Variants in SLC35A1 observed in about 807,000 individuals in gnomAD.
SLC35A1 encodes solute carrier family 35 member A1.
SLC35A1 carries 21 observed loss-of-function variants against 40.3 expected under a neutral mutation model. That is an observed-to-expected ratio of 0.52 (90% CI 0.37 to 0.75). SLC35A1 has a LOEUF of 0.75. SLC35A1 is among the 30% of genes least tolerant of loss of function. The probability of loss-of-function intolerance (pLI) is 0.00; values close to 1 mark genes in which losing one functional copy is unlikely to be tolerated. For missense variants in SLC35A1, 297 were observed against 382.1 expected (o/e 0.78, Z 1.86); for synonymous variants, 146 against 147.3 (o/e 0.99, Z 0.06).
chr6:87,506,486 T>G (rs1424367846), intron 5 of SLC35A1, 38 bp downstream of exon 5: 1 of 1,581,196 alleles, frequency 6.3e-7, no homozygotes, highest in East Asian at 2.2e-5. Flanking sequence ...TTTTGTCATA[T>G]TTTTCGAAAA....
chr6:87,484,274 C>T (rs533537411), intron 2 of SLC35A1, among the ~76,000 whole-genome samples: 23 of 152,232 alleles, frequency 1.5e-4, no homozygotes, highest in African/African-American at 5.3e-4. Context: ...AACCAGAGAC[C>T]GCCTCTGGAG....
At position 87,473,030 on chromosome 6, in the gene SLC35A1, G is replaced by C; in HGVS notation, c.16+11G>C. The C allele has an allele frequency of 3.2e-6, 2 of 631,256 alleles. No homozygotes were observed. Among genetic ancestry groups the C allele is most frequent in the South Asian group, 6.2e-5 (2 of 32,086 alleles). 39.1% of individuals were successfully genotyped at this position (631,256 alleles called of 1,614,324 possible). On this transcript the variant is annotated intron_variant, in intron 1 of 7. Transcript: ENST00000369552. ...TGGCTGCCCCGAGAGGTGAGAACTG[G>C]GTCTGCTGGGAGTGGGGAGTCCGCG...
chr6:87,507,815 A>G (rs1352223467), intron 5 of SLC35A1, among the ~76,000 whole-genome samples: 1 of 152,134 alleles, frequency 6.6e-6, no homozygotes, highest in Non-Finnish European at 1.5e-5. Flanking sequence ...AACTCCAGAA[A>G]AATGCACATA....
chr6:87,503,525 A>G (rs576396185), intron 4 of SLC35A1, among the ~76,000 whole-genome samples: 1 of 152,240 alleles, frequency 6.6e-6, no homozygotes, highest in South Asian at 2.1e-4. Flanking sequence ...AGCCTGGCTA[A>G]CATGGTGAAA....
In SLC35A1 at chr6:87,477,418, G is replaced by T; in HGVS notation, c.73G>T (p.Ala25Ser). Reference sequence around the variant, plus strand: ...CTTGGCAGTGATGACCCTGATGGCTGCAGTCTATACCATAGCTTTAAGATA... The same window carrying T: ...CTTGGCAGTGATGACCCTGATGGCTTCAGTCTATACCATAGCTTTAAGATA... ...YCLAVMTLMA[A>S]VYTIALRYTR... is the part of the protein sequence containing the mutation. Residue 25 changes from alanine (A) to serine (S), a missense_variant, in exon 2 of 8, where the codon GCA becomes TCA. By Grantham distance (99) the Ala-to-Ser change is moderately conservative. Coordinates refer to ENST00000369552, the MANE Select transcript of SLC35A1 (RefSeq NM_006416.5). 2 of 1,613,712 alleles carry T rather than the reference G, an allele frequency of 1.2e-6. No homozygotes were observed. The highest frequency in any genetic ancestry group is 1.7e-6 in the Non-Finnish European group (2 of 1,179,752).
intron 2 of SLC35A1, among the ~76,000 whole-genome samples, chr6:87,483,083 C>A (rs1769289492): frequency 1.3e-5 from 2 of 152,028 alleles, no homozygotes; most frequent in Non-Finnish European, 2.9e-5. Context: ...ACGGAGAAGA[C>A]CTTCAATTAT....
At chr6:87,485,953 C>G (rs1769376328) in intron 2 of SLC35A1, among the ~76,000 whole-genome samples, 2 of 152,150 alleles carry the variant, frequency 1.3e-5, no homozygotes, top group Admixed American at 1.3e-4. Context: ...AAAAATTAAA[C>G]TTCATTTAAA....
In SLC35A1 at chr6:87,483,682, T is replaced by C. The variant is rs535638466; in HGVS notation, c.194+6143T>C. Reference sequence around the variant, plus strand: ...AAGGCTCAACCCCTCAAACCAGGGATGTCTTGCCTTGCCTGCTCCGGAAGC... The same window carrying C: ...AAGGCTCAACCCCTCAAACCAGGGACGTCTTGCCTTGCCTGCTCCGGAAGC... On this transcript the variant is annotated intron_variant, in intron 2 of 7. Coordinates refer to ENST00000369552, the MANE Select transcript of SLC35A1 (RefSeq NM_006416.5). Among the ~76,000 whole-genome samples the C allele has an allele frequency of 2.6e-5, 4 of 151,994 alleles. No individual in the cohort carries two copies. The East Asian group carries it at 7.7e-4, about 29-fold the overall frequency.
At position 87,508,515 on chromosome 6, in the gene SLC35A1, G is replaced by A. The variant is rs1292510419; in HGVS notation, c.670G>A (p.Gly224Ser). The change falls in exon 6 of 8, where the codon GGC (glycine) becomes AGC (serine). Residue 224 changes from glycine to serine, a missense_variant. Coordinates refer to ENST00000369552, the MANE Select transcript of SLC35A1 (RefSeq NM_006416.5). ...ATCAGGGATTATTGTGACATTAGCTGGCGTCTACTTGTCAGATGGAGCTGA... is the reference window on the plus strand; with the variant it reads ...ATCAGGGATTATTGTGACATTAGCTAGCGTCTACTTGTCAGATGGAGCTGA... ...YLSGIIVTLA[G>S]VYLSDGAEIK... The A allele has an allele frequency of 6.2e-7, 1 of 1,612,426 alleles. No homozygotes were observed. Among genetic ancestry groups the A allele is most frequent in the Non-Finnish European group, 8.5e-7 (1 of 1,178,974 alleles).
chr6:87,509,046 G>A lies in SLC35A1; in HGVS notation c.757G>A (p.Ala253Thr). 1 of 1,613,898 alleles carries A rather than the reference G, an allele frequency of 6.2e-7. No individual in the cohort carries two copies. Among genetic ancestry groups the A allele is most frequent in the Non-Finnish European group, 8.5e-7 (1 of 1,179,826 alleles). ...TATTTCTCTCTGTATACAAGTTCTTGCAAGTGTTGGTGGCCTCTACACTTC... is the reference window on the plus strand; with the variant it reads ...TATTTCTCTCTGTATACAAGTTCTTACAAGTGTTGGTGGCCTCTACACTTC... ...TYYVWFVIFLASVGGLYTSVV... is the reference protein window; with the variant it reads ...TYYVWFVIFLTSVGGLYTSVV... The change falls in exon 7 of 8, where the codon GCA becomes ACA. Residue 253 changes from alanine to threonine, a missense_variant. Ala to Thr is a moderately conservative substitution (Grantham distance 58). Transcript: ENST00000369552.
In SLC35A1 at chr6:87,511,770, A is replaced by G; in HGVS notation, c.*244A>G. 2.0e-6 allele frequency: 1 copy of G among 489,214 alleles called. No individual in the cohort carries two copies. Among genetic ancestry groups the G allele is most frequent in the Non-Finnish European group, 3.7e-6 (1 of 268,876 alleles). 30.3% of individuals were successfully genotyped at this position (489,214 alleles called of 1,614,324 possible). On this transcript the variant is annotated 3_prime_UTR_variant, in exon 8 of 8. Coordinates refer to ENST00000369552, the MANE Select transcript of SLC35A1 (RefSeq NM_006416.5). ...ATGAAGGAATTGTATTATTGTGTGT[A>G]TATATAATTTGTAAATAAAAAGTAT... is the stretch of plus-strand genomic sequence containing the variant.
At chr6:87,491,283 C>T (rs896423652) in intron 2 of SLC35A1, among the ~76,000 whole-genome samples, 1 of 152,180 alleles carries the variant, frequency 6.6e-6, no homozygotes, top group African/African-American at 2.4e-5. Context: ...GGTTTTGGAA[C>T]ATTTCAGATT....
chr6:87,508,501 T>C lies in SLC35A1; in HGVS notation c.656T>C (p.Ile219Thr), dbSNP rs1770156612. ...ATTCAAATGTATCTATCAGGGATTA[T>C]TGTGACATTAGCTGGCGTCTACTTG... ...RNIQMYLSGI[I>T]VTLAGVYLSD... The change falls in exon 6 of 8, where the codon ATT (isoleucine) becomes ACT (threonine). Residue 219 changes from isoleucine to threonine, a missense_variant. Physicochemically the swap from Ile to Thr is moderately conservative, Grantham distance 89. Transcript: ENST00000369552. 21 of 1,612,896 alleles carry C rather than the reference T, an allele frequency of 1.3e-5. No individual in the cohort carries two copies. Among genetic ancestry groups the C allele is most frequent in the East Asian group, 6.7e-5 (3 of 44,772 alleles).
chr6:87,501,278 C>T lies in SLC35A1; in HGVS notation c.475C>T (p.Gln159Ter). 6.2e-7 allele frequency: 1 copy of T among 1,614,020 alleles called. No individual in the cohort carries two copies. The highest frequency in any genetic ancestry group is 1.7e-5 in the Admixed American group (1 of 60,016). Residue 159 changes from glutamine to a stop codon, truncating the protein, a stop_gained, in exon 4 of 8, where the codon CAG becomes TAG. Transcript: ENST00000369552. LOFTEE classifies it high-confidence loss of function. Reference protein sequence around the residue: ...FMLCAGVTLVQWKPAQATKVV... With the variant: ...FMLCAGVTLV ...GCTGTGTGCTGGAGTTACGCTTGTA[C>T]AGTGGAAACCAGCCCAAGCTACAAA...
At chr6:87,481,940 A>G (rs919047753) in intron 2 of SLC35A1, among the ~76,000 whole-genome samples, 28 of 152,212 alleles carry the variant, frequency 1.8e-4, no homozygotes, top group African/African-American at 2.7e-4. Context: ...TAATGTAGGT[A>G]AAAATCCACA....
chr6:87,492,583 T>A (rs1426055347), intron 2 of SLC35A1, among the ~76,000 whole-genome samples: 7 of 150,780 alleles, frequency 4.6e-5, no homozygotes, highest in Non-Finnish European at 1.5e-5. Flanking sequence ...GTTTCACTCT[T>A]GTTGCCCAGG....
intron 6 of SLC35A1, 86 bp from the exon 7 acceptor site, chr6:87,508,955 G>A: frequency 7.3e-7 from 1 of 1,378,576 alleles, no homozygotes; most frequent in Non-Finnish European, 1.0e-6. Flanking sequence ...GTAAAGTATG[G>A]CATCTCTGGG....
intron 4 of SLC35A1, 27 bp downstream of exon 4, chr6:87,501,337 T>A (rs764596296): frequency 6.2e-7 from 1 of 1,605,446 alleles, no homozygotes; most frequent in Admixed American, 1.7e-5. Flanking sequence ...ACACCATAAC[T>A]TCCCATAAAT....
intron 2 of SLC35A1, among the ~76,000 whole-genome samples, chr6:87,496,505 C>A (rs981288789): frequency 6.6e-6 from 1 of 151,944 alleles, no homozygotes. Context: ...GAGGGCCAGG[C>A]GTGGTGGCTT....
Sources: allele counts gnomAD v4.1 joint callset (sites outside exome capture counted in the v4.1 genomes callset), GRCh38; gene constraint gnomAD v4.1.1; transcripts MANE v1.5; gene names NCBI Gene and HGNC (gene_info 2026-07-23, HGNC 2026-07-21).